The following CD247 variants were observed in gnomAD, a reference collection of about 807,000 sequenced individuals.
CD247 encodes T-cell surface glycoprotein CD3 zeta chain.
Under a neutral mutation model 30.0 loss-of-function variants are expected in CD247, and 13 were observed. The observed-to-expected ratio is 0.43, with a 90% CI of 0.28 to 0.69. The LOEUF (loss-of-function observed/expected upper bound fraction) is 0.69, where lower values mean the gene tolerates loss of function less well. CD247 is among the 30% of genes least tolerant of loss of function. CD247 has a pLI of 0.16. For synonymous variants in CD247, 72 were observed against 80.0 expected (o/e 0.90, Z 0.53); for missense variants, 193 against 212.6 (o/e 0.91, Z 0.57).
At chr1:167,476,778 C>G (rs1653764988) in intron 1 of CD247, among the ~76,000 whole-genome samples, 1 of 152,118 alleles carries the variant, frequency 6.6e-6, no homozygotes, top group East Asian at 1.9e-4. Context: ...CCAGCCTGGG[C>G]AAGAGTGAGA....
At chr1:167,468,199 T>C (rs1239381507) in intron 1 of CD247, among the ~76,000 whole-genome samples, 1 of 151,914 alleles carries the variant, frequency 6.6e-6, no homozygotes, top group African/African-American at 2.4e-5. Flanking sequence ...ATTTATTGCC[T>C]CCAAATTAAT....
chr1:167,508,807 G>C (rs1198382088), intron 1 of CD247, among the ~76,000 whole-genome samples: 1 of 152,206 alleles, frequency 6.6e-6, no homozygotes, highest in Non-Finnish European at 1.5e-5. Flanking sequence ...AATTAGATGA[G>C]ACCATAAAGA....
At chr1:167,459,173 T>C (rs988892586) in intron 1 of CD247, among the ~76,000 whole-genome samples, 1 of 151,698 alleles carries the variant, frequency 6.6e-6, no homozygotes, top group Non-Finnish European at 1.5e-5. Context: ...GGAGAATTTA[T>C]TGTTAAACAG....
At chr1:167,458,252 AT>A (rs1652805524) in intron 1 of CD247, among the ~76,000 whole-genome samples, 1 of 152,310 alleles carries the variant, frequency 6.6e-6, no homozygotes, top group East Asian at 1.9e-4. Context: ...ATTCCCAAAC[AT>A]GCTCTTCACC....
intron 1 of CD247, among the ~76,000 whole-genome samples, chr1:167,490,949 T>A (rs528928784): frequency 7.2e-4 from 109 of 151,266 alleles, no homozygotes; most frequent in African/African-American, 2.4e-3. Flanking sequence ...AAAATAATAA[T>A]AAATAATAAT....
At position 167,434,032 on chromosome 1, in the gene CD247, C is replaced by A. The variant is rs1232647002; in HGVS notation, c.381G>T (p.Gly127=). 3.1e-6 allele frequency: 5 copies of A among 1,614,080 alleles called. No homozygotes were observed. Among genetic ancestry groups the A allele is most frequent in the Non-Finnish European group, 4.2e-6 (5 of 1,179,896 alleles). Residue 127 remains glycine, a synonymous_variant, in exon 6 of 8, where the codon GGG becomes GGT. Transcript: ENST00000362089. ...CAGCAACACTCACCTCGCCTTTCAT[C>A]CCAATCTCACTGTAGGCCTCCGCCA... The part of the protein sequence containing the change: ...DKMAEAYSEI[G]MKGERRRGKG...
In CD247 at chr1:167,430,784, A is replaced by G. The variant is rs917483519; in HGVS notation, c.*897T>C. On this transcript the variant is annotated 3_prime_UTR_variant, in exon 8 of 8. Coordinates refer to ENST00000362089, the MANE Select transcript of CD247 (RefSeq NM_198053.3). ...TAATGACGCAGCAGTATCCTAGTAC[A>G]TTGACGGGTTTTTCCTGTCCTGCCA... The G allele has an allele frequency of 2.5e-6, 1 of 398,576 alleles. No individual in the cohort carries two copies. Among genetic ancestry groups the G allele is most frequent in the Non-Finnish European group, 4.4e-6 (1 of 226,112 alleles). The allele number at this position is 398,576 out of a possible 1,614,324, so 24.7% of individuals were successfully genotyped here.
intron 1 of CD247, among the ~76,000 whole-genome samples, chr1:167,453,668 T>G (rs181943986): frequency 1.1e-3 from 170 of 152,214 alleles, no homozygotes; most frequent in African/African-American, 4.0e-3. Flanking sequence ...TTCAAGATAA[T>G]TAGGTTTTAA....
chr1:167,459,680 T>C (rs896545499), intron 1 of CD247: 6 of 152,152 alleles, frequency 3.9e-5, no homozygotes, highest in African/African-American at 1.4e-4. Context: ...CATTAACAAC[T>C]GGACTCGCTT....
intron 1 of CD247, among the ~76,000 whole-genome samples, chr1:167,460,265 G>T (rs1652930891): frequency 6.6e-6 from 1 of 152,118 alleles, no homozygotes; most frequent in Admixed American, 6.5e-5. Context: ...ATCTGGGTGT[G>T]GTGGTGCGCA....
intron 1 of CD247, among the ~76,000 whole-genome samples, chr1:167,516,142 A>G (rs1413319768): frequency 1.3e-5 from 2 of 152,214 alleles, no homozygotes; most frequent in Admixed American, 1.3e-4. Flanking sequence ...TGCATTCCCC[A>G]AGGCTGCATG....
intron 1 of CD247, among the ~76,000 whole-genome samples, chr1:167,475,746 C>T (rs1171207469): frequency 6.6e-6 from 1 of 152,178 alleles, no homozygotes; most frequent in African/African-American, 2.4e-5. Context: ...AGCAAAAATT[C>T]ACACTGTGGG....
chr1:167,444,774 A>G lies in CD247; in HGVS notation c.59-4007T>C, dbSNP rs149479775. Among the ~76,000 whole-genome samples the G allele has an allele frequency of 2.5e-3, 387 of 152,316 alleles. 4 individuals are homozygous for G. Among genetic ancestry groups the G allele is most frequent in the Middle Eastern group, 0.014 (4 of 294 alleles). Reference sequence around the variant, plus strand: ...TACAACAAATGTAAATTTCTGTCAAACAGATGCAATAAAATTAAAGCTTTG... The same window carrying G: ...TACAACAAATGTAAATTTCTGTCAAGCAGATGCAATAAAATTAAAGCTTTG... On this transcript the variant is annotated intron_variant, in intron 1 of 7. Coordinates refer to ENST00000362089, the MANE Select transcript of CD247 (RefSeq NM_198053.3).
intron 1 of CD247, among the ~76,000 whole-genome samples, chr1:167,448,702 A>C (rs944479101): frequency 1.3e-5 from 2 of 152,194 alleles, no homozygotes; most frequent in African/African-American, 4.8e-5. Flanking sequence ...TCTACTAAAA[A>C]TACAAAAAAT....
chr1:167,509,966 T>C (rs1044438232), intron 1 of CD247, among the ~76,000 whole-genome samples: 1 of 152,194 alleles, frequency 6.6e-6, no homozygotes, highest in African/African-American at 2.4e-5. Context: ...TCTATGCAGC[T>C]ATGAAGAAGC....
intron 7 of CD247, among the ~76,000 whole-genome samples, 160 bp downstream of exon 7, chr1:167,432,864 T>C (rs1382737392): frequency 7.9e-5 from 12 of 152,250 alleles, no homozygotes; most frequent in South Asian, 4.1e-4. Flanking sequence ...CAGGGACTTA[T>C]TGGCAGTGGC....
intron 1 of CD247, among the ~76,000 whole-genome samples, chr1:167,472,318 T>C (rs1653566580): frequency 6.6e-6 from 1 of 152,180 alleles, no homozygotes; most frequent in South Asian, 2.1e-4. Flanking sequence ...CAAAGATCAT[T>C]CACTTATATT....
intron 1 of CD247, among the ~76,000 whole-genome samples, chr1:167,447,963 TG>T (rs200057872): frequency 6.2e-5 from 1 of 16,136 alleles, no homozygotes; most frequent in Non-Finnish European, 1.3e-4. Context: ...GCAGCAGCTA[TG>T]GGTGGGGGGG....
chr1:167,448,604 C>A (rs988114298), intron 1 of CD247: 1 of 850,298 alleles, frequency 1.2e-6, no homozygotes, highest in African/African-American at 1.8e-5. Context: ...AACTGCAGAA[C>A]GACTCCAGCT....
Sources: gnomAD v4.1 joint callset for allele counts (sites outside exome capture counted in the v4.1 genomes callset) on GRCh38, gnomAD v4.1.1 for gene constraint, MANE v1.5 for transcripts, NCBI Gene and HGNC (gene_info 2026-07-23, HGNC 2026-07-21) for gene names.